PIP5K1A: variants seen among roughly 807,000 people sequenced by gnomAD.
The protein encoded by PIP5K1A is phosphatidylinositol-4-phosphate 5-kinase type 1 alpha.
PIP5K1A carries 46 observed loss-of-function variants against 72.9 expected under a neutral mutation model. The ratio of observed to expected loss-of-function variants is 0.63; its 90% CI spans 0.50 to 0.81. PIP5K1A has a LOEUF of 0.81. Among genes scored for constraint, PIP5K1A ranks in the 30% least tolerant of loss-of-function variants. The pLI is 0.00. For synonymous variants in PIP5K1A, 228 were observed against 255.1 expected, an observed-to-expected ratio of 0.89 and a Z score of 1.01; for missense variants, 458 against 706.1, an observed-to-expected ratio of 0.65 and a Z score of 3.98.
At position 151,242,130 on chromosome 1, in the gene PIP5K1A, T is replaced by C. The variant is rs773422075; in HGVS notation, c.1371T>C (p.Pro457=). The C allele has an allele frequency of 6.2e-7, 1 of 1,614,202 alleles. No individual in the cohort carries two copies. The highest frequency in any genetic ancestry group is 2.2e-5 in the East Asian group (1 of 44,888). The change falls in exon 13 of 16, where the codon CCT becomes CCC. Residue 457 remains proline (P), a synonymous_variant. Transcript: ENST00000368888. The stretch of plus-strand genomic sequence containing the variant: ...TCTCTTTCCCTTTTGAAGTGAAGCC[T>C]TCTCCTTCCAAAAAGTTTCGGTCTG... ...NTVFKKIPLK[P]SPSKKFRSGS... is the part of the protein sequence containing the mutation.
upstream of PIP5K1A, among the ~76,000 whole-genome samples, chr1:151,196,550 A>ATTTTTT (rs5777766): frequency 2.6e-5 from 3 of 114,762 alleles, no homozygotes; most frequent in African/African-American, 1.0e-4. Flanking sequence ...ATGCATGGGG[A>ATTTTTT]TTTTTTTTTT....
chr1:151,231,872 G>A, intron 5 of PIP5K1A, 71 bp downstream of exon 5: 1 of 1,466,468 alleles, frequency 6.8e-7, no homozygotes, highest in East Asian at 2.3e-5. Context: ...GGCAGTTTTA[G>A]GGGTTCAGGT....
At chr1:151,244,478 AC>A (rs758511706) in intron 14 of PIP5K1A, among the ~76,000 whole-genome samples, 11 of 152,078 alleles carry the variant, frequency 7.2e-5, no homozygotes, top group South Asian at 2.1e-4. Context: ...ACATGGCGAA[AC>A]CCCATCTCTA....
At chr1:151,239,271 TTTTTC>T in intron 11 of PIP5K1A, 93 bp downstream of exon 11, 2 of 813,176 alleles carry the variant, frequency 2.5e-6, no homozygotes, top group East Asian at 2.7e-5. Context: ...TCTTTTTTCT[TTTTTC>T]TTTTTTTTTT....
chr1:151,208,470 C>T (rs1311873833), intron 1 of PIP5K1A, among the ~76,000 whole-genome samples: 1 of 151,514 alleles, frequency 6.6e-6, no homozygotes, highest in African/African-American at 2.4e-5. Context: ...AAGCGATTCC[C>T]CTGCCTCAGC....
intron 6 of PIP5K1A, 59 bp downstream of exon 6, chr1:151,232,424 A>G: frequency 1.3e-6 from 2 of 1,491,458 alleles, no homozygotes; most frequent in Non-Finnish European, 9.4e-7. Context: ...TTCCCAAAGG[A>G]AGGCCCCTTT....
chr1:151,235,273 G>A (rs749974059), intron 8 of PIP5K1A, among the ~76,000 whole-genome samples: 84 of 152,152 alleles, frequency 5.5e-4, no homozygotes, highest in Non-Finnish European at 8.7e-4. Context: ...AGTAGTGACA[G>A]GGTTTCACCA....
At position 151,198,748 on chromosome 1, in the gene PIP5K1A, C is replaced by G. The variant is rs1293994607; in HGVS notation, c.-249C>G. 4 of 583,076 alleles carry G rather than the reference C, an allele frequency of 6.9e-6. No individual in the cohort carries two copies. The highest frequency in any genetic ancestry group is 9.2e-6 in the Non-Finnish European group (3 of 325,306). The allele number at this position is 583,076 out of a possible 1,614,324, so 36.1% of individuals were successfully genotyped here. A position where few individuals can be genotyped will look rare whatever the true frequency, so the allele number is the denominator to read the frequency against. On this transcript the variant is annotated 5_prime_UTR_variant, in exon 1 of 16. Coordinates refer to ENST00000368888, the MANE Select transcript of PIP5K1A (RefSeq NM_001135638.2). ...TCTTCTGTGAAAGGGGAAAGTATCC[C>G]CTGTGGAAAGCGGTTAAACTTGTGG...
At chr1:151,236,790 G>T (rs202184102) in intron 9 of PIP5K1A, 27 bp downstream of exon 9, 68 of 1,429,656 alleles carry the variant, frequency 4.8e-5, no homozygotes, top group African/African-American at 1.4e-5. Context: ...CCACTAGGGG[G>T]GAGAACATAG....
intron 14 of PIP5K1A, among the ~76,000 whole-genome samples, chr1:151,246,417 C>G (rs907222183): frequency 1.2e-4 from 18 of 152,050 alleles, no homozygotes; most frequent in Non-Finnish European, 2.1e-4. Context: ...CTTGTCACAT[C>G]GCCCTATCCA....
At position 151,249,168 on chromosome 1, in the gene PIP5K1A, C is replaced by T. The variant is rs185825457; in HGVS notation, c.*1303C>T. On this transcript the variant is annotated 3_prime_UTR_variant, in exon 16 of 16. Transcript: ENST00000368888. ...AATTCCTGTTCTATCCCTTCTCTAT[C>T]CCACCCTGCCTTGATAATATGTTAG... 3 of 152,300 alleles carry T rather than the reference C, an allele frequency of 2.0e-5. No homozygotes were observed. The highest frequency in any genetic ancestry group is 6.5e-5 in the Admixed American group (1 of 15,290). The allele number at this position is 152,300 out of a possible 1,614,324, so 9.4% of individuals were successfully genotyped here.
intron 12 of PIP5K1A, among the ~76,000 whole-genome samples, chr1:151,240,621 A>G (rs1437710287): frequency 6.6e-6 from 1 of 152,158 alleles, no homozygotes; most frequent in Non-Finnish European, 1.5e-5. Context: ...TAGGCATGCC[A>G]GTCTTAAGGG....
chr1:151,199,164 C>G (rs1222839660), intron 1 of PIP5K1A, 83 bp downstream of exon 1: 1 of 1,605,000 alleles, frequency 6.2e-7, no homozygotes, highest in Non-Finnish European at 8.5e-7. Flanking sequence ...GTACCTGTAG[C>G]TGGGAATGTC....
At chr1:151,238,442 C>G in intron 10 of PIP5K1A, 177 bp downstream of exon 10, 3 of 579,324 alleles carry the variant, frequency 5.2e-6, no homozygotes, top group Non-Finnish European at 9.4e-6. Context: ...CCTCTTTCCC[C>G]GGCCTTTATA....
intron 1 of PIP5K1A, 84 bp from the exon 2 acceptor site, chr1:151,224,161 A>C (rs904342289): frequency 4.0e-6 from 5 of 1,239,476 alleles, no homozygotes; most frequent in Non-Finnish European, 6.0e-6. Flanking sequence ...GTTTAGTTTG[A>C]CTCAAACTCT....
In PIP5K1A at chr1:151,238,283, C is replaced by A. The variant is rs201871257; in HGVS notation, c.1229+18C>A. ...TCTTACAGGTGAGGAGCATATGGAT[C>A]CCAAATTAAGAGAGGGTGGATACAG... On this transcript the variant is annotated intron_variant, in intron 10 of 15. Coordinates refer to ENST00000368888, the MANE Select transcript of PIP5K1A (RefSeq NM_001135638.2). The A allele has an allele frequency of 5.6e-4, 846 of 1,498,986 alleles. 2 individuals are homozygous for A. Among genetic ancestry groups the A allele is most frequent in the Non-Finnish European group, 6.1e-4 (651 of 1,075,178 alleles). The allele number at this position is 1,498,986 out of a possible 1,614,324, so 92.9% of individuals were successfully genotyped here. A position where few individuals can be genotyped will look rare whatever the true frequency, so the allele number is the denominator to read the frequency against.
rs778524431 is a variant in PIP5K1A, at chr1:151,238,252, C to T, written c.1216C>T (p.Leu406=). 7.5e-6 allele frequency: 12 copies of T among 1,606,436 alleles called. No individual in the cohort carries two copies. The highest frequency in any genetic ancestry group is 3.4e-6 in the Non-Finnish European group (4 of 1,173,146). Residue 406 remains leucine, a synonymous_variant, in exon 10 of 16, where the codon CTA becomes TTA. Transcript: ENST00000368888. ...LLLYIGIIDI[L]QSYRFVKKLE... ...GCTTTATATTGGCATCATTGACATTCTACAGTCTTACAGGTGAGGAGCATA... is the reference window on the plus strand; with the variant it reads ...GCTTTATATTGGCATCATTGACATTTTACAGTCTTACAGGTGAGGAGCATA...
At chr1:151,208,025 A>G (rs970576969) in intron 1 of PIP5K1A, among the ~76,000 whole-genome samples, 2 of 151,606 alleles carry the variant, frequency 1.3e-5, no homozygotes, top group South Asian at 2.1e-4. Flanking sequence ...CGCCTGGCTA[A>G]TTTTTGTATT....
intron 14 of PIP5K1A, among the ~76,000 whole-genome samples, chr1:151,244,353 G>A (rs1571023099): frequency 6.6e-6 from 1 of 152,122 alleles, no homozygotes; most frequent in Admixed American, 6.6e-5. Context: ...ATCTAGGAAT[G>A]ATTTAAAGTA....
Sources: allele counts gnomAD v4.1 joint callset (sites outside exome capture counted in the v4.1 genomes callset), GRCh38; gene constraint gnomAD v4.1.1; transcripts MANE v1.5; gene names NCBI Gene and HGNC (gene_info 2026-07-23, HGNC 2026-07-21).